The following SYT9 variants were observed in gnomAD, a reference collection of about 807,000 sequenced individuals.
SYT9 encodes the protein synaptotagmin-9.
A neutral mutation model predicts 48.4 loss-of-function variants in SYT9; 22 were observed. The observed-to-expected ratio is 0.45, with a 90% CI of 0.32 to 0.65. The LOEUF (loss-of-function observed/expected upper bound fraction) is 0.65, where lower values mean the gene tolerates loss of function less well. SYT9 is among the 30% of genes least tolerant of loss of function. The pLI is 0.03. For synonymous variants in SYT9, 265 were observed against 245.0 expected, an observed-to-expected ratio of 1.08 and a Z score of -0.76; for missense variants, 577 against 622.0, an observed-to-expected ratio of 0.93 and a Z score of 0.77.
intron 3 of SYT9, among the ~76,000 whole-genome samples, chr11:7,381,384 T>G (rs555543757): frequency 6.6e-6 from 1 of 152,348 alleles, no homozygotes; most frequent in Non-Finnish European, 1.5e-5. Context: ...AGATGAGCAC[T>G]GAGCTTACTT....
intron 6 of SYT9, among the ~76,000 whole-genome samples, chr11:7,432,547 C>CAAA (rs67650978): frequency 5.9e-5 from 1 of 16,932 alleles, no homozygotes; most frequent in Non-Finnish European, 1.1e-4. Flanking sequence ...GACTCCATCT[C>CAAA]AAAAAAAAAA....
chr11:7,348,930 C>T (rs968833896), intron 3 of SYT9, among the ~76,000 whole-genome samples: 2 of 151,778 alleles, frequency 1.3e-5, no homozygotes, highest in African/African-American at 4.8e-5. Context: ...AAGCTGAACT[C>T]CTCACGCTGA....
chr11:7,340,272 G>C (rs1849691577), intron 3 of SYT9, among the ~76,000 whole-genome samples: 1 of 152,126 alleles, frequency 6.6e-6, no homozygotes, highest in Non-Finnish European at 1.5e-5. Flanking sequence ...ATTATATTGT[G>C]ATTCTTAGTT....
chr11:7,265,359 C>A (rs1245899357), intron 1 of SYT9, among the ~76,000 whole-genome samples: 1 of 152,074 alleles, frequency 6.6e-6, no homozygotes, highest in Admixed American at 6.6e-5. Flanking sequence ...TGTCAAGGCC[C>A]CTTGCAACTC....
chr11:7,256,464 C>A lies in SYT9; in HGVS notation c.145+4133C>A, dbSNP rs557841994. 3.3e-5 allele frequency among the ~76,000 whole-genome samples: 5 copies of A among 152,052 alleles called. No homozygotes were observed. The East Asian group carries it at 9.6e-4, about 29-fold the overall frequency. On this transcript the variant is annotated intron_variant, in intron 1 of 6. Transcript: ENST00000318881. ...TTGATATATATGAGTAAACTGAAGT[C>A]CAGAGAAGTAAACTAGCCCAGGGCC...
chr11:7,238,823 A>G (rs10839747), exon 1 of SYT9: 60,592 of 455,686 alleles, frequency 0.13, 4,916 homozygotes, highest in African/African-American at 0.26. Flanking sequence ...TGAGACTTCA[A>G]TTTGGGAAAG....
At chr11:7,405,227 T>C (rs1846983081) in intron 3 of SYT9, among the ~76,000 whole-genome samples, 1 of 152,152 alleles carries the variant, frequency 6.6e-6, no homozygotes, top group Non-Finnish European at 1.5e-5. Flanking sequence ...ACTATTGACC[T>C]TTTGGACTAG....
At chr11:7,324,026 C>T (rs1191249519) in intron 3 of SYT9, among the ~76,000 whole-genome samples, 1 of 151,730 alleles carries the variant, frequency 6.6e-6, no homozygotes, top group African/African-American at 2.4e-5. Flanking sequence ...TCTTTTCTGT[C>T]AATGTTTAGT....
intron 3 of SYT9, among the ~76,000 whole-genome samples, chr11:7,403,369 G>T (rs1846935860): frequency 6.6e-6 from 1 of 152,050 alleles, no homozygotes; most frequent in Non-Finnish European, 1.5e-5. Flanking sequence ...GGCCAATATA[G>T]CAAGACTCCA....
chr11:7,282,926 G>GCACACACACACACA (rs151278873), intron 1 of SYT9, among the ~76,000 whole-genome samples: 4 of 135,654 alleles, frequency 2.9e-5, no homozygotes, highest in Admixed American at 7.4e-5. Context: ...ACACACACAC[G>GCACACACACACACA]CACACACACA....
rs562281779 is a variant in SYT9, at chr11:7,451,568, C to G, written c.1468-15224C>G. 2.0e-5 allele frequency among the ~76,000 whole-genome samples: 3 copies of G among 152,320 alleles called. No individual in the cohort carries two copies. The East Asian group carries it at 5.8e-4, about 29-fold the overall frequency. On this transcript the variant is annotated intron_variant, in intron 6 of 6. Transcript: ENST00000318881. The stretch of plus-strand genomic sequence containing the variant: ...TGGTTTGGGTAGAGGCATCCACATC[C>G]TCAGCTCCAGGAATGTCTTTGCATC...
intron 1 of SYT9, among the ~76,000 whole-genome samples, chr11:7,286,631 T>C (rs188779101): frequency 1.1e-4 from 17 of 152,228 alleles, no homozygotes. Context: ...AGGCTGCAAA[T>C]TTTCCAAACT....
Position 7,354,070 on chromosome 11 carries a change from T to A in SYT9, c.1044+40129T>A, listed in dbSNP as rs1849970736. Among the ~76,000 whole-genome samples the A allele has an allele frequency of 2.0e-5, 3 of 152,358 alleles. No individual in the cohort carries two copies. In the South Asian group the frequency reaches 6.2e-4, roughly 32 times the overall value. ...ATTGAAATTTAAATTACATTTCAAA[T>A]AATGATTTGATTGGAATTAAAAGAG... On this transcript the variant is annotated intron_variant, in intron 3 of 6. Coordinates refer to ENST00000318881, the MANE Select transcript of SYT9 (RefSeq NM_175733.4).
intron 6 of SYT9, among the ~76,000 whole-genome samples, chr11:7,450,943 CTT>C (rs1564908616): frequency 6.6e-6 from 1 of 152,212 alleles, no homozygotes; most frequent in East Asian, 1.9e-4. Flanking sequence ...TTTTAAAAGA[CTT>C]TTCTTTCTCA....
At chr11:7,457,586 C>T (rs1246656341) in intron 6 of SYT9, 1 of 152,134 alleles carries the variant, frequency 6.6e-6, no homozygotes, top group Admixed American at 6.5e-5. Flanking sequence ...TAGATAAATT[C>T]TCCATGTCAA....
At chr11:7,432,556 A>C (rs1847597092) in intron 6 of SYT9, among the ~76,000 whole-genome samples, 2 of 15,054 alleles carry the variant, frequency 1.3e-4, no homozygotes, top group Non-Finnish European at 2.3e-4. Flanking sequence ...TCAAAAAAAA[A>C]AAAAAAAAAA....
intron 3 of SYT9, among the ~76,000 whole-genome samples, chr11:7,385,342 G>C (rs528792591): frequency 1.7e-5 from 1 of 58,262 alleles, no homozygotes; most frequent in Non-Finnish European, 4.8e-5. Context: ...TGTTTGCTCT[G>C]TGTGTGTGTG....
chr11:7,308,123 A>G (rs1005034053), intron 2 of SYT9, among the ~76,000 whole-genome samples: 2 of 152,118 alleles, frequency 1.3e-5, no homozygotes, highest in African/African-American at 4.8e-5. Flanking sequence ...GGAAAACCTA[A>G]CTCTCTCTTC....
intron 2 of SYT9, 148 bp from the exon 3 acceptor site, chr11:7,313,247 T>C: frequency 1.3e-6 from 1 of 761,968 alleles, no homozygotes; most frequent in Non-Finnish European, 2.0e-6. Context: ...ATGAGCATTT[T>C]GAATTTAGGC....
Sources: allele counts gnomAD v4.1 joint callset (sites outside exome capture counted in the v4.1 genomes callset), GRCh38; gene constraint gnomAD v4.1.1; transcripts MANE v1.5; gene names NCBI Gene and HGNC (gene_info 2026-07-23, HGNC 2026-07-21).